TSPAN5: variants seen among roughly 807,000 people sequenced by gnomAD.
TSPAN5 encodes the protein tetraspanin 5, also known as tetraspanin-5.
Under a neutral mutation model 37.1 loss-of-function variants are expected in TSPAN5, and 10 were observed. The ratio of observed to expected loss-of-function variants is 0.27; its 90% CI spans 0.17 to 0.46. TSPAN5 has a LOEUF of 0.46. Ranked by LOEUF, TSPAN5 falls within the 20% of genes least tolerant of loss-of-function variation. The pLI is 1.00. For synonymous variants in TSPAN5, 110 were observed against 118.9 expected, an observed-to-expected ratio of 0.93 and a Z score of 0.48; for missense variants, 195 against 326.6, an observed-to-expected ratio of 0.60 and a Z score of 3.11.
intron 2 of TSPAN5, 145 bp downstream of exon 2, chr4:98,507,533 G>A (rs1006319452): frequency 2.2e-5 from 12 of 537,976 alleles, no homozygotes; most frequent in Admixed American, 3.8e-5. Context: ...TTGAGAGTAT[G>A]ACATTAATCT....
At chr4:98,644,111 TATTG>T (rs1157549602) in intron 1 of TSPAN5, among the ~76,000 whole-genome samples, 1 of 151,960 alleles carries the variant, frequency 6.6e-6, no homozygotes, top group African/African-American at 2.4e-5. Flanking sequence ...AAAGGAGATT[TATTG>T]ATTTATTTTT....
chr4:98,616,079 C>A (rs1037987106), intron 1 of TSPAN5, among the ~76,000 whole-genome samples: 11 of 152,004 alleles, frequency 7.2e-5, no homozygotes, highest in Non-Finnish European at 1.3e-4. Flanking sequence ...CTAGGTGGTT[C>A]TACAAGGCCC....
At chr4:98,642,807 A>G (rs1044394685) in intron 1 of TSPAN5, among the ~76,000 whole-genome samples, 15 of 152,224 alleles carry the variant, frequency 9.9e-5, no homozygotes, top group African/African-American at 3.6e-4. Flanking sequence ...TAAAGATAAA[A>G]AATAATTTTT....
intron 1 of TSPAN5, among the ~76,000 whole-genome samples, chr4:98,562,852 C>T (rs1754911975): frequency 6.6e-6 from 1 of 152,074 alleles, no homozygotes; most frequent in African/African-American, 2.4e-5. Context: ...AACAGTAATT[C>T]AATTTTGCAT....
chr4:98,650,505 C>A (rs1163195267), intron 1 of TSPAN5, among the ~76,000 whole-genome samples: 1 of 151,876 alleles, frequency 6.6e-6, no homozygotes, highest in Admixed American at 6.6e-5. Context: ...TAATGCGAAC[C>A]AAGAATCTCA....
At chr4:98,512,506 A>G (rs117783005) in intron 1 of TSPAN5, among the ~76,000 whole-genome samples, 4,779 of 152,330 alleles carry the variant, frequency 0.031, 115 homozygotes, top group East Asian at 0.1. Context: ...CAGGCATAGC[A>G]GAAGGACAGC....
At chr4:98,651,176 A>G (rs903837650) in intron 1 of TSPAN5, among the ~76,000 whole-genome samples, 6 of 152,242 alleles carry the variant, frequency 3.9e-5, no homozygotes, top group Non-Finnish European at 8.8e-5. Flanking sequence ...ATAGGGTACA[A>G]TGAGAACGCA....
intron 2 of TSPAN5, among the ~76,000 whole-genome samples, chr4:98,507,459 G>A (rs1753503723): frequency 6.6e-6 from 1 of 152,162 alleles, no homozygotes; most frequent in Admixed American, 6.5e-5. Context: ...TTGAGCACGT[G>A]TATTGTTACT....
At chr4:98,549,277 TA>T (rs1367892081) in intron 1 of TSPAN5, among the ~76,000 whole-genome samples, 3 of 146,348 alleles carry the variant, frequency 2.0e-5, no homozygotes, top group Admixed American at 6.8e-5. Flanking sequence ...GTGGTTGTTT[TA>T]TTTTTGTTTG....
At chr4:98,632,969 G>A (rs1756780139) in intron 1 of TSPAN5, among the ~76,000 whole-genome samples, 1 of 152,138 alleles carries the variant, frequency 6.6e-6, no homozygotes, top group Non-Finnish European at 1.5e-5. Flanking sequence ...TGAGGTCCAG[G>A]GCAAAGCATG....
intron 1 of TSPAN5, among the ~76,000 whole-genome samples, chr4:98,584,565 C>A (rs775896873): frequency 6.6e-6 from 1 of 152,202 alleles, no homozygotes; most frequent in Non-Finnish European, 1.5e-5. Flanking sequence ...TACACACCAT[C>A]TTCTACTTAT....
intron 1 of TSPAN5, among the ~76,000 whole-genome samples, chr4:98,620,931 T>G (rs1756466556): frequency 6.6e-6 from 1 of 152,146 alleles, no homozygotes; most frequent in Non-Finnish European, 1.5e-5. Flanking sequence ...GAACTGCATA[T>G]CCCCAAAATT....
chr4:98,572,630 T>C (rs1755151614), intron 1 of TSPAN5, among the ~76,000 whole-genome samples: 1 of 152,264 alleles, frequency 6.6e-6, no homozygotes, highest in Non-Finnish European at 1.5e-5. Context: ...AAAACGTTTA[T>C]GCTTAATGGG....
intron 1 of TSPAN5, among the ~76,000 whole-genome samples, chr4:98,550,859 T>G (rs1754599507): frequency 6.6e-6 from 1 of 152,222 alleles, no homozygotes; most frequent in Admixed American, 6.5e-5. Context: ...CCAATTTGGA[T>G]GTCTTTTATT....
intron 3 of TSPAN5, chr4:98,484,563 GT>G (rs1238597071): frequency 4.4e-6 from 2 of 456,016 alleles, no homozygotes; most frequent in Non-Finnish European, 8.8e-6. Flanking sequence ...GAAATGTGTA[GT>G]TTTCTGCCTG....
intron 1 of TSPAN5, among the ~76,000 whole-genome samples, chr4:98,625,455 T>C (rs1214705845): frequency 6.6e-6 from 1 of 152,236 alleles, no homozygotes; most frequent in Non-Finnish European, 1.5e-5. Flanking sequence ...GTAAGACTTA[T>C]TTTCATGTTC....
At chr4:98,598,992 A>G (rs1755821830) in intron 1 of TSPAN5, among the ~76,000 whole-genome samples, 1 of 152,228 alleles carries the variant, frequency 6.6e-6, no homozygotes, top group South Asian at 2.1e-4. Flanking sequence ...CTGTTAAAAC[A>G]TACACTTCAA....
intron 2 of TSPAN5, among the ~76,000 whole-genome samples, chr4:98,501,370 T>C (rs572896991): frequency 9.8e-5 from 15 of 152,358 alleles, no homozygotes; most frequent in Admixed American, 7.8e-4. Flanking sequence ...AATGCTGTCA[T>C]TGCTCATTTG....
Position 98,489,671 on chromosome 4 carries a change from G to A in TSPAN5, c.133-2787C>T, listed in dbSNP as rs1032055011. 2.6e-5 allele frequency among the ~76,000 whole-genome samples: 4 copies of A among 152,152 alleles called. No homozygotes were observed. The South Asian group carries it at 8.3e-4, about 32-fold the overall frequency. ...GTATCCGCTGTGCTCCTGATCCAGC[G>A]AGGTGCCCACTGCCACTCCTAATCG... is the stretch of plus-strand genomic sequence containing the variant. On this transcript the variant is annotated intron_variant, in intron 2 of 7. Transcript: ENST00000305798.
Sources: gnomAD v4.1 joint callset for allele counts (sites outside exome capture counted in the v4.1 genomes callset) on GRCh38, gnomAD v4.1.1 for gene constraint, MANE v1.5 for transcripts, NCBI Gene and HGNC (gene_info 2026-07-23, HGNC 2026-07-21) for gene names.